Variants in TOR3A observed in about 807,000 individuals in gnomAD.
TOR3A encodes torsin family 3 member A.
Under a neutral mutation model 42.1 loss-of-function variants are expected in TOR3A, and 44 were observed. That is an observed-to-expected ratio of 1.04 (90% CI 0.82 to 1.34). TOR3A has a LOEUF of 1.34. TOR3A is among the 40% of genes most tolerant of loss of function. TOR3A has a pLI of 0.00. For synonymous variants in TOR3A, 227 were observed against 213.2 expected, an observed-to-expected ratio of 1.06 and a Z score of -0.57; for missense variants, 521 against 507.6, an observed-to-expected ratio of 1.03 and a Z score of -0.25.
intron 1 of TOR3A, chr1:179,082,699 G>T (rs1445266199): frequency 1.4e-6 from 1 of 703,410 alleles, no homozygotes; most frequent in Non-Finnish European, 2.6e-6. Context: ...GGCGTTATTC[G>T]AAGGTGTTGC....
intron 3 of TOR3A, among the ~76,000 whole-genome samples, chr1:179,086,332 C>T (rs1362499029): frequency 1.3e-5 from 2 of 152,160 alleles, no homozygotes; most frequent in African/African-American, 2.4e-5. Context: ...ATTGTAACTA[C>T]GTTGGACAGA....
chr1:179,090,137 G>C (rs955704731), intron 4 of TOR3A, among the ~76,000 whole-genome samples: 1 of 151,740 alleles, frequency 6.6e-6, no homozygotes, highest in Non-Finnish European at 1.5e-5. Flanking sequence ...CGGGAAAGCC[G>C]CCTGCCAGAC....
rs371551657 is a variant in TOR3A, at chr1:179,086,136, C to T, written c.639+243C>T. ...GCCACACTCGAGAGGCTGGACACTG[C>T]GCTTAAGCAGGGACGCTGCATGTTG... On this transcript the variant is annotated intron_variant, in intron 3 of 5. Coordinates refer to ENST00000367627, the MANE Select transcript of TOR3A (RefSeq NM_022371.4). Among the ~76,000 whole-genome samples, 11 of 152,204 alleles carry T rather than the reference C, an allele frequency of 7.2e-5. No individual in the cohort carries two copies. In the East Asian group the frequency reaches 7.7e-4, roughly 11 times the overall value.
chr1:179,094,234 A>G lies in TOR3A; in HGVS notation c.943+17A>G, dbSNP rs372822495. ...AGACCATAGGTGAGTAACTGACTCA[A>G]TATGCCTCTGGTGAGAGCCACAGCT... On this transcript the variant is annotated intron_variant, in intron 5 of 5. Transcript: ENST00000367627. 1.1e-5 allele frequency: 17 copies of G among 1,607,690 alleles called. No individual in the cohort carries two copies. The highest frequency in any genetic ancestry group is 1.3e-5 in the Non-Finnish European group (15 of 1,177,746).
chr1:179,093,310 T>A (rs1370402420), intron 4 of TOR3A, among the ~76,000 whole-genome samples: 6 of 152,164 alleles, frequency 3.9e-5, no homozygotes, highest in Non-Finnish European at 7.3e-5. Context: ...TGCCCAGTGA[T>A]ATCACAACCT....
chr1:179,083,027 A>C lies in TOR3A; in HGVS notation c.347A>C (p.Asp116Ala). 1 of 1,567,300 alleles carries C rather than the reference A, an allele frequency of 6.4e-7. No homozygotes were observed. ...TTCAAAGACTGCTGCCCTAGAGGGG[A>C]TTGCAGAATCTCCAACAACTTTACA... ...CSFKDCCPRG[D>A]CRISNNFTGL... The change falls in exon 2 of 6, where the codon GAT becomes GCT. Residue 116 changes from aspartate to alanine, a missense_variant. Physicochemically the swap from Asp to Ala is moderately radical, Grantham distance 126. Coordinates refer to ENST00000367627, the MANE Select transcript of TOR3A (RefSeq NM_022371.4).
intron 3 of TOR3A, among the ~76,000 whole-genome samples, chr1:179,087,656 TC>T (rs1652466865): frequency 1.3e-5 from 2 of 152,240 alleles, no homozygotes; most frequent in African/African-American, 4.8e-5. Context: ...CTAGGCTGTC[TC>T]CTAGTCCCCA....
chr1:179,086,014 C>A, intron 3 of TOR3A, 121 bp downstream of exon 3: 1 of 1,279,652 alleles, frequency 7.8e-7, no homozygotes, highest in East Asian at 2.4e-5. Context: ...GGTGGCAGAA[C>A]CTGTGACAGA....
intron 2 of TOR3A, among the ~76,000 whole-genome samples, chr1:179,084,510 C>T (rs1259979839): frequency 6.6e-6 from 1 of 152,234 alleles, no homozygotes; most frequent in Non-Finnish European, 1.5e-5. Context: ...AGGCGGGAAC[C>T]ACCTCGCCCA....
chr1:179,082,434 C>A, intron 1 of TOR3A, 47 bp downstream of exon 1: 1 of 1,555,766 alleles, frequency 6.4e-7, no homozygotes, highest in Non-Finnish European at 8.6e-7. Flanking sequence ...GAGCAGAGTG[C>A]GATCCGGGCG....
At position 179,095,090 on chromosome 1, in the gene TOR3A, C is replaced by T. The variant is rs749491629; in HGVS notation, c.1066C>T (p.Leu356Phe). 2 of 1,614,192 alleles carry T rather than the reference C, an allele frequency of 1.2e-6. No individual in the cohort carries two copies. Among genetic ancestry groups the T allele is most frequent in the South Asian group, 1.1e-5 (1 of 91,082 alleles). Reference sequence around the variant, plus strand: ...ACGGGATGCCTTCCTGAGCCAGGAGCTCCTGTATAAAGAAGAGACACTGGA... The same window carrying T: ...ACGGGATGCCTTCCTGAGCCAGGAGTTCCTGTATAAAGAAGAGACACTGGA... ...CARDAFLSQE[L>F]LYKEETLDEI... Residue 356 changes from leucine (L) to phenylalanine (F), a missense_variant, in exon 6 of 6, where the codon CTC (leucine) becomes TTC (phenylalanine). Coordinates refer to ENST00000367627, the MANE Select transcript of TOR3A (RefSeq NM_022371.4).
chr1:179,090,121 G>T (rs1022815256), intron 4 of TOR3A, among the ~76,000 whole-genome samples: 4 of 138,600 alleles, frequency 2.9e-5, no homozygotes, highest in South Asian at 2.8e-4. Flanking sequence ...TGGGGGGGGG[G>T]GCCTGCGGGA....
Position 179,095,117 on chromosome 1 carries a change from G to A in TOR3A, c.1093G>A (p.Glu365Lys). 1 of 1,614,218 alleles carries A rather than the reference G, an allele frequency of 6.2e-7. No individual in the cohort carries two copies. The highest frequency in any genetic ancestry group is 8.5e-7 in the Non-Finnish European group (1 of 1,180,036). Residue 365 changes from glutamate to lysine, a missense_variant, in exon 6 of 6, where the codon GAA (glutamate) becomes AAA (lysine). Transcript: ENST00000367627. ...ELLYKEETLDEIAQMMVYVPK... is the reference protein window; with the variant it reads ...ELLYKEETLDKIAQMMVYVPK... ...CCTGTATAAAGAAGAGACACTGGAT[G>A]AAATAGCCCAGATGATGGTGTATGT... is the stretch of plus-strand genomic sequence containing the variant.
intron 3 of TOR3A, among the ~76,000 whole-genome samples, chr1:179,087,238 C>T (rs923498602): frequency 2.0e-5 from 3 of 152,232 alleles, no homozygotes; most frequent in Admixed American, 6.5e-5. Context: ...ACTGTCTTGC[C>T]TGGGGCAAGG....
At chr1:179,083,100 G>T in intron 2 of TOR3A, 47 bp downstream of exon 2, 1 of 1,224,718 alleles carries the variant, frequency 8.2e-7, no homozygotes, top group Non-Finnish European at 1.1e-6. Flanking sequence ...GTGGGGAGGG[G>T]AGGCAGTCCA....
rs1356987158 is a variant in TOR3A, at chr1:179,082,124, C to T, written c.-5C>T. ...GCCGGATGGTCCCGCAGCTCGGGGCCGGCCATGCTTCGCGGTCCGTGGCGC... is the reference window on the plus strand; with the variant it reads ...GCCGGATGGTCCCGCAGCTCGGGGCTGGCCATGCTTCGCGGTCCGTGGCGC... On this transcript the variant is annotated 5_prime_UTR_variant, in exon 1 of 6. Transcript: ENST00000367627. 5 of 1,485,566 alleles carry T rather than the reference C, an allele frequency of 3.4e-6. No homozygotes were observed. The highest frequency in any genetic ancestry group is 5.4e-5 in the East Asian group (2 of 36,724). 92.0% of individuals were successfully genotyped at this position (1,485,566 alleles called of 1,614,324 possible).
At chr1:179,085,367 T>C (rs1652399797) in intron 2 of TOR3A, 2 of 394,302 alleles carry the variant, frequency 5.1e-6, no homozygotes, top group Admixed American at 7.8e-5. Flanking sequence ...GAGGTTGCAG[T>C]GAGCTGAGAT....
rs1282581337 is a variant in TOR3A, at chr1:179,095,247, C to T, written c.*29C>T. On this transcript the variant is annotated 3_prime_UTR_variant, in exon 6 of 6. Coordinates refer to ENST00000367627, the MANE Select transcript of TOR3A (RefSeq NM_022371.4). ...CTAGAGGAAGACTTCCTGGAACTGC[C>T]TTTCTTCCACTAACAGGACCCTGGG... 4 of 1,611,630 alleles carry T rather than the reference C, an allele frequency of 2.5e-6. No homozygotes were observed. The highest frequency in any genetic ancestry group is 1.3e-5 in the African/African-American group (1 of 74,804).
chr1:179,095,112 T>C lies in TOR3A; in HGVS notation c.1088T>C (p.Leu363Pro). Reference sequence around the variant, plus strand: ...GAGCTCCTGTATAAAGAAGAGACACTGGATGAAATAGCCCAGATGATGGTG... The same window carrying C: ...GAGCTCCTGTATAAAGAAGAGACACCGGATGAAATAGCCCAGATGATGGTG... ...SQELLYKEET[L>P]DEIAQMMVYV... Residue 363 changes from leucine to proline, a missense_variant, in exon 6 of 6, where the codon CTG becomes CCG. Physicochemically the swap from Leu to Pro is moderately conservative, Grantham distance 98. Transcript: ENST00000367627. 1.2e-6 allele frequency: 2 copies of C among 1,614,194 alleles called. No individual in the cohort carries two copies. The highest frequency in any genetic ancestry group is 1.7e-6 in the Non-Finnish European group (2 of 1,180,030).
Sources: allele counts gnomAD v4.1 joint callset (sites outside exome capture counted in the v4.1 genomes callset), GRCh38; gene constraint gnomAD v4.1.1; transcripts MANE v1.5; gene names NCBI Gene and HGNC (gene_info 2026-07-23, HGNC 2026-07-21).